TNRC6A: variants seen among roughly 807,000 people sequenced by gnomAD.
TNRC6A encodes trinucleotide repeat-containing gene 6A protein.
A neutral mutation model predicts 221.2 loss-of-function variants in TNRC6A; 44 were observed. The observed-to-expected ratio is 0.20, with a 90% CI of 0.16 to 0.26. The LOEUF is 0.26. TNRC6A is among the 10% of genes least tolerant of loss of function. TNRC6A has a pLI of 1.00. For synonymous variants in TNRC6A, 847 were observed against 838.5 expected (o/e 1.01, Z -0.18); for missense variants, 2,199 against 2,404.4 (o/e 0.91, Z 1.79).
chr16:24,691,009 C>T (rs1031099704), intron 2 of TNRC6A, among the ~76,000 whole-genome samples: 1 of 152,002 alleles, frequency 6.6e-6, no homozygotes, highest in African/African-American at 2.4e-5. Context: ...CGGGGTTTCA[C>T]CGTGTTAGCC....
intron 18 of TNRC6A, among the ~76,000 whole-genome samples, chr16:24,812,877 C>CTTT (rs71383720): frequency 0.19 from 14,483 of 75,074 alleles, 1,870 homozygotes; most frequent in Non-Finnish European, 0.25. Context: ...ACCTCTTGGG[C>CTTT]TTTTTTTTTT....
In TNRC6A at chr16:24,812,877, C is replaced by CTTTTTTTTT. The variant is rs71383720; in HGVS notation, c.4673-2253_4673-2245dup. ...AATGGAATTAATAGTACCTCTTGGGCTTTTTTTTTTTTTTTTTTTTTTTTT... is the reference window on the plus strand; with the variant it reads ...AATGGAATTAATAGTACCTCTTGGGCTTTTTTTTTTTTTTTTTTTTTTTTTTTTTTTTTT... On this transcript the variant is annotated intron_variant, in intron 18 of 24. Coordinates refer to ENST00000395799, the MANE Select transcript of TNRC6A (RefSeq NM_014494.4). Among the ~76,000 whole-genome samples, 6 of 75,010 alleles carry CTTTTTTTTT rather than the reference C, an allele frequency of 8.0e-5. 1 individual carries two copies. Among genetic ancestry groups the CTTTTTTTTT allele is most frequent in the Admixed American group, 3.8e-4 (2 of 5,200 alleles). The allele number at this position is 75,010 out of a possible 152,430, so 49.2% of individuals were successfully genotyped here.
At chr16:24,744,143 C>T (rs1404674188) in intron 2 of TNRC6A, among the ~76,000 whole-genome samples, 1 of 152,118 alleles carries the variant, frequency 6.6e-6, no homozygotes, top group Admixed American at 6.5e-5. Context: ...TCCTTATGAC[C>T]TGATCAGGTT....
intron 4 of TNRC6A, among the ~76,000 whole-genome samples, chr16:24,758,833 A>G (rs2057304534): frequency 1.3e-5 from 2 of 151,994 alleles, no homozygotes. Context: ...GTAGATTGCA[A>G]ACCTTACACA....
At chr16:24,632,951 G>A (rs1355946671) in intron 1 of TNRC6A, among the ~76,000 whole-genome samples, 1 of 150,546 alleles carries the variant, frequency 6.6e-6, no homozygotes, top group Non-Finnish European at 1.5e-5. Flanking sequence ...GGAGGTTGCA[G>A]TGAGTCGAGA....
At chr16:24,696,867 C>T (rs2142177709) in intron 2 of TNRC6A, among the ~76,000 whole-genome samples, 1 of 152,002 alleles carries the variant, frequency 6.6e-6, no homozygotes, top group African/African-American at 2.4e-5. Flanking sequence ...TTTAGCCATT[C>T]CCCTTCTTTT....
intron 8 of TNRC6A, among the ~76,000 whole-genome samples, chr16:24,795,115 C>T (rs2058191836): frequency 6.6e-6 from 1 of 152,166 alleles, no homozygotes; most frequent in Admixed American, 6.5e-5. Context: ...CCAGAGTCAC[C>T]ATCCTCCTTA....
chr16:24,674,828 C>G (rs2055376090), intron 2 of TNRC6A, among the ~76,000 whole-genome samples: 1 of 152,046 alleles, frequency 6.6e-6, no homozygotes, highest in Non-Finnish European at 1.5e-5. Context: ...AAGTAACCAT[C>G]TCTGTCAAGC....
intron 11 of TNRC6A, among the ~76,000 whole-genome samples, chr16:24,800,629 A>C (rs1326150653): frequency 6.6e-6 from 1 of 152,214 alleles, no homozygotes; most frequent in East Asian, 1.9e-4. Context: ...TGGCTCACTG[A>C]ATGGCACGGA....
intron 1 of TNRC6A, among the ~76,000 whole-genome samples, chr16:24,639,202 C>T (rs1020840260): frequency 9.2e-5 from 14 of 152,038 alleles, no homozygotes; most frequent in Non-Finnish European, 1.2e-4. Flanking sequence ...ATGAGAAAGA[C>T]GGCTGCGTGT....
chr16:24,806,848 C>T, intron 17 of TNRC6A, 64 bp downstream of exon 17: 2 of 1,453,762 alleles, frequency 1.4e-6, no homozygotes, highest in Non-Finnish European at 1.9e-6. Flanking sequence ...GCCTCCTTCA[C>T]ACGTACCCTT....
chr16:24,738,139 A>G (rs886414196), intron 2 of TNRC6A, among the ~76,000 whole-genome samples: 4 of 152,124 alleles, frequency 2.6e-5, no homozygotes, highest in Admixed American at 2.0e-4. Flanking sequence ...GCTCCTTCCC[A>G]GTGACTCTGG....
intron 3 of TNRC6A, among the ~76,000 whole-genome samples, chr16:24,757,744 A>G (rs1235046362): frequency 6.6e-6 from 1 of 152,182 alleles, no homozygotes; most frequent in African/African-American, 2.4e-5. Flanking sequence ...ATTTTAACAG[A>G]TTGTCAGATG....
rs1278841394 is a variant in TNRC6A, at chr16:24,665,101, T to A, written n.402+24092T>A. On this transcript the variant is annotated intron_variant and non_coding_transcript_variant, in intron 2 of 2. Transcript: ENST00000566108. Reference sequence around the variant, plus strand: ...TTATGTTAGAGACAAGGTCTCACTCTGTTGCCTAGCCTGGAGTGCAGTGGT... The same window carrying A: ...TTATGTTAGAGACAAGGTCTCACTCAGTTGCCTAGCCTGGAGTGCAGTGGT... 7.3e-6 allele frequency: 3 copies of A among 408,564 alleles called. No individual in the cohort carries two copies. The Admixed American group carries it at 7.6e-5, about 10-fold the overall frequency. The allele number at this position is 408,564 out of a possible 1,614,324, so 25.3% of individuals were successfully genotyped here.
chr16:24,622,040 G>A (rs537570719), intron 1 of TNRC6A, among the ~76,000 whole-genome samples: 138 of 152,296 alleles, frequency 9.1e-4, no homozygotes, highest in Admixed American at 1.9e-3. Context: ...ATAGCTTCCT[G>A]ATGCTGTAGG....
At position 24,821,644 on chromosome 16, in the gene TNRC6A, C is replaced by T. The variant is rs72770428; in HGVS notation, c.5303-433C>T. The T allele has an allele frequency of 8.2e-3, 1,304 of 158,142 alleles. 12 individuals are homozygous for T. Among genetic ancestry groups the T allele is most frequent in the Middle Eastern group, 0.047 (15 of 320 alleles). 9.8% of individuals were successfully genotyped at this position (158,142 alleles called of 1,614,324 possible). ...AGATGGGGAGCCCCTGCAGTAACCCCGGGGAAAACAAGGAGCATCTGTGCG... is the reference window on the plus strand; with the variant it reads ...AGATGGGGAGCCCCTGCAGTAACCCTGGGGAAAACAAGGAGCATCTGTGCG... On this transcript the variant is annotated intron_variant, in intron 22 of 24. Coordinates refer to ENST00000395799, the MANE Select transcript of TNRC6A (RefSeq NM_014494.4).
chr16:24,798,053 A>G (rs1201708748), intron 11 of TNRC6A, 87 bp downstream of exon 11: 1 of 1,208,462 alleles, frequency 8.3e-7, no homozygotes, highest in Non-Finnish European at 1.2e-6. Context: ...CCTGACGTAG[A>G]TCAGGACAGG....
chr16:24,798,254 C>T (rs1041636753), intron 11 of TNRC6A: 12 of 232,306 alleles, frequency 5.2e-5, no homozygotes, highest in Non-Finnish European at 8.3e-5. Flanking sequence ...GTAGAAGGGC[C>T]TAGATGTATG....
chr16:24,631,160 A>T (rs891774339), intron 1 of TNRC6A, among the ~76,000 whole-genome samples: 2 of 152,206 alleles, frequency 1.3e-5, no homozygotes, highest in Non-Finnish European at 2.9e-5. Flanking sequence ...GGAGGATAAC[A>T]TCTATTTTAT....
Sources: allele counts gnomAD v4.1 joint callset (sites outside exome capture counted in the v4.1 genomes callset), GRCh38; gene constraint gnomAD v4.1.1; transcripts MANE v1.5; gene names NCBI Gene and HGNC (gene_info 2026-07-23, HGNC 2026-07-21).